The following ALG9 variants were observed in gnomAD, a reference collection of about 807,000 sequenced individuals.
The protein encoded by ALG9 is ALG9 alpha-1,2-mannosyltransferase.
A neutral mutation model predicts 81.8 loss-of-function variants in ALG9; 55 were observed. That is an observed-to-expected ratio of 0.67 (90% CI 0.54 to 0.84). The LOEUF (loss-of-function observed/expected upper bound fraction) is 0.84, where lower values mean the gene tolerates loss of function less well. Ranked by LOEUF, ALG9 falls within the 40% of genes least tolerant of loss-of-function variation. The pLI, the probability that ALG9 is intolerant of heterozygous loss-of-function variation, is 0.00. For synonymous variants in ALG9, 278 were observed against 274.3 expected (o/e 1.01, Z -0.13); for missense variants, 629 against 745.0 (o/e 0.84, Z 1.81).
At chr11:111,800,765 G>A (rs1269279519) in intron 14 of ALG9, among the ~76,000 whole-genome samples, 2 of 152,114 alleles carry the variant, frequency 1.3e-5, no homozygotes, top group East Asian at 3.9e-4. Flanking sequence ...ACAGCGACCT[G>A]GTATGTACTG....
At chr11:111,840,834 T>C in intron 9 of ALG9, 25 bp from the exon 10 acceptor site, 1 of 1,613,486 alleles carries the variant, frequency 6.2e-7, no homozygotes, top group Non-Finnish European at 8.5e-7. Flanking sequence ...AAAATACCCA[T>C]CTTTCATTAT....
downstream of ALG9, among the ~76,000 whole-genome samples, chr11:111,781,728 A>G (rs998249762): frequency 2.0e-5 from 3 of 151,846 alleles, no homozygotes; most frequent in Admixed American, 6.6e-5. Context: ...GCTCACTGCA[A>G]CCTCCACCTC....
At chr11:111,845,906 C>A (rs1956879087) in intron 8 of ALG9, among the ~76,000 whole-genome samples, 1 of 152,176 alleles carries the variant, frequency 6.6e-6, no homozygotes, top group Non-Finnish European at 1.5e-5. Context: ...GGAGGTTACA[C>A]TAAGGAAAAG....
intron 13 of ALG9, among the ~76,000 whole-genome samples, chr11:111,817,038 C>CT (rs1951589825): frequency 6.6e-6 from 1 of 152,096 alleles, no homozygotes; most frequent in Non-Finnish European, 1.5e-5. Flanking sequence ...GGGAAAAAGA[C>CT]ATAAAGGAGC....
intron 3 of ALG9, 97 bp from the exon 4 acceptor site, chr11:111,865,348 A>G: frequency 1.1e-6 from 1 of 907,740 alleles, no homozygotes; most frequent in Non-Finnish European, 1.7e-6. Context: ...ATAACACTGT[A>G]AATTGGTATA....
intron 14 of ALG9, among the ~76,000 whole-genome samples, chr11:111,797,672 T>C (rs1275296359): frequency 1.3e-5 from 2 of 152,250 alleles, no homozygotes; most frequent in African/African-American, 4.8e-5. Flanking sequence ...GTTCTGCTTA[T>C]GCTGGAGCTA....
At chr11:111,856,168 T>C (rs1323644639) in intron 6 of ALG9, among the ~76,000 whole-genome samples, 1 of 150,568 alleles carries the variant, frequency 6.6e-6, no homozygotes, top group East Asian at 2.0e-4. Context: ...ACCCAGCTAC[T>C]TGGGAGGCTG....
chr11:111,861,851 T>C (rs1960275443), intron 4 of ALG9, among the ~76,000 whole-genome samples: 1 of 152,158 alleles, frequency 6.6e-6, no homozygotes, highest in Non-Finnish European at 1.5e-5. Flanking sequence ...CTTAACCTAA[T>C]ATACAATTTT....
intron 5 of ALG9, 111 bp downstream of exon 5, chr11:111,860,436 A>G: frequency 1.1e-6 from 1 of 911,358 alleles, no homozygotes; most frequent in Non-Finnish European, 1.8e-6. Context: ...ATTTGGACAA[A>G]TGCTTCCTTT....
chr11:111,805,622 G>C (rs1197478767), intron 14 of ALG9, among the ~76,000 whole-genome samples: 2 of 152,234 alleles, frequency 1.3e-5, no homozygotes, highest in Non-Finnish European at 2.9e-5. Flanking sequence ...TATGAAGACA[G>C]TAAAAAGATT....
At chr11:111,816,932 T>C (rs1179616563) in intron 13 of ALG9, among the ~76,000 whole-genome samples, 1 of 152,150 alleles carries the variant, frequency 6.6e-6, no homozygotes, top group Non-Finnish European at 1.5e-5. Context: ...AAAGTGTTAT[T>C]AAAAATTCAG....
In ALG9 at chr11:111,786,032, T is replaced by C. The variant is rs886047682; in HGVS notation, c.*365A>G. 8 of 457,868 alleles carry C rather than the reference T, an allele frequency of 1.7e-5. No homozygotes were observed. Among genetic ancestry groups the C allele is most frequent in the Non-Finnish European group, 3.5e-5 (8 of 227,856 alleles). The allele number at this position is 457,868 out of a possible 1,614,324, so 28.4% of individuals were successfully genotyped here. On this transcript the variant is annotated 3_prime_UTR_variant, in exon 15 of 15. Coordinates refer to ENST00000616540, the MANE Select transcript of ALG9 (RefSeq NM_024740.2). ...AGGCCAGAGTGTGGAGAACAGCTTA[T>C]CACAGCCATCCAGTACCAGGATTTT... is the stretch of plus-strand genomic sequence containing the variant.
intron 8 of ALG9, 27 bp downstream of exon 8, chr11:111,853,353 A>G (rs782652059): frequency 2.9e-5 from 45 of 1,565,316 alleles, no homozygotes; most frequent in South Asian, 2.2e-4. Context: ...ATCTCCTAAC[A>G]CTTGCCCAAA....
At chr11:111,825,099 T>C (rs1489404398) in intron 13 of ALG9, among the ~76,000 whole-genome samples, 1 of 152,220 alleles carries the variant, frequency 6.6e-6, no homozygotes, top group Non-Finnish European at 1.5e-5. Context: ...GCTTGTAACC[T>C]GGTACTCTTA....
intron 8 of ALG9, among the ~76,000 whole-genome samples, chr11:111,848,061 A>G (rs1370223036): frequency 6.6e-6 from 1 of 152,182 alleles, no homozygotes; most frequent in Non-Finnish European, 1.5e-5. Context: ...TTGAAGTCAG[A>G]CAACACTAGA....
chr11:111,796,614 CCTGGGGTAGCT>C (rs1394517930), intron 14 of ALG9, among the ~76,000 whole-genome samples: 1 of 152,052 alleles, frequency 6.6e-6, no homozygotes, highest in Admixed American at 6.6e-5. Context: ...CCAAATCTGG[CCTGGGGTAGCT>C]CTGCCAGACG....
At chr11:111,821,058 T>G (rs1470460952) in intron 13 of ALG9, among the ~76,000 whole-genome samples, 1 of 152,106 alleles carries the variant, frequency 6.6e-6, no homozygotes, top group Admixed American at 6.6e-5. Context: ...ATTGCACAAT[T>G]GCACTCCAGC....
intron 4 of ALG9, among the ~76,000 whole-genome samples, chr11:111,863,892 CAGTT>C (rs1453134931): frequency 1.3e-5 from 2 of 152,080 alleles, no homozygotes; most frequent in Non-Finnish European, 2.9e-5. Flanking sequence ...AAGTAAAGAC[CAGTT>C]AGATAGTTTT....
intron 13 of ALG9, among the ~76,000 whole-genome samples, chr11:111,831,773 G>A (rs999578308): frequency 2.0e-5 from 3 of 152,070 alleles, no homozygotes; most frequent in African/African-American, 7.2e-5. Context: ...CTTTTTACTG[G>A]TTAAACTGGA....
Sources: allele counts gnomAD v4.1 joint callset (sites outside exome capture counted in the v4.1 genomes callset), GRCh38; gene constraint gnomAD v4.1.1; transcripts MANE v1.5; gene names NCBI Gene and HGNC (gene_info 2026-07-23, HGNC 2026-07-21).